Variants in CSMD1 observed in about 807,000 individuals in gnomAD.
The protein encoded by CSMD1 is CUB and Sushi multiple domains 1, also known as CUB and sushi domain-containing protein 1.
Under a neutral mutation model 417.5 loss-of-function variants are expected in CSMD1, and 213 were observed. The observed-to-expected ratio is 0.51, with a 90% confidence interval of 0.46 to 0.57. The LOEUF (loss-of-function observed/expected upper bound fraction) is 0.57. Among genes scored for constraint, CSMD1 ranks in the 20% least tolerant of loss-of-function variants. The pLI, the probability that CSMD1 is intolerant of heterozygous loss-of-function variation, is 0.00. For synonymous variants in CSMD1, 2,862 were observed against 1,736.8 expected, an observed-to-expected ratio of 1.65 and a Z score of -16.11; for missense variants, 6,923 against 4,529.7, an observed-to-expected ratio of 1.53 and a Z score of -15.17.
chr8:3,999,988 A>T (rs1188034986), intron 4 of CSMD1, among the ~76,000 whole-genome samples: 1 of 152,266 alleles, frequency 6.6e-6, no homozygotes, highest in African/African-American at 2.4e-5. Context: ...CTACCACGGT[A>T]GTGTTTCCTT....
intron 3 of CSMD1, among the ~76,000 whole-genome samples, chr8:4,381,869 C>A (rs543907110): frequency 1.3e-5 from 2 of 152,108 alleles, no homozygotes; most frequent in African/African-American, 4.8e-5. Context: ...GCTCTCTTTG[C>A]GGACCTTTTT....
intron 3 of CSMD1, among the ~76,000 whole-genome samples, chr8:4,365,343 A>G (rs1802001593): frequency 6.6e-6 from 1 of 152,254 alleles, no homozygotes; most frequent in East Asian, 1.9e-4. Context: ...AAATGCTAAG[A>G]TTATCAAAAT....
At chr8:4,446,133 C>T (rs780363902) in intron 2 of CSMD1, among the ~76,000 whole-genome samples, 5 of 152,170 alleles carry the variant, frequency 3.3e-5, no homozygotes, top group Non-Finnish European at 5.9e-5. Flanking sequence ...ACATTCGTTA[C>T]ATACGTGAGT....
intron 3 of CSMD1, among the ~76,000 whole-genome samples, chr8:4,412,775 A>G (rs1012088604): frequency 6.6e-6 from 1 of 152,192 alleles, no homozygotes; most frequent in Admixed American, 6.5e-5. Context: ...TGATACCTAT[A>G]CTGATATGAC....
chr8:3,090,821 G>C (rs561488921), intron 48 of CSMD1, among the ~76,000 whole-genome samples: 1 of 152,030 alleles, frequency 6.6e-6, no homozygotes, highest in Non-Finnish European at 1.5e-5. Flanking sequence ...TCTGCCTACT[G>C]CTTCTGTAGG....
At chr8:3,570,645 C>A (rs1178724558) in intron 10 of CSMD1, among the ~76,000 whole-genome samples, 2 of 152,152 alleles carry the variant, frequency 1.3e-5, no homozygotes, top group Admixed American at 1.3e-4. Flanking sequence ...CCTGACTCTG[C>A]CCCTTTGTTA....
intron 12 of CSMD1, among the ~76,000 whole-genome samples, chr8:3,467,105 G>A (rs570175739): frequency 1.3e-5 from 2 of 152,138 alleles, no homozygotes; most frequent in South Asian, 4.2e-4. Flanking sequence ...CACTAATTAG[G>A]GTAAAATGTA....
intron 6 of CSMD1, among the ~76,000 whole-genome samples, chr8:3,711,647 G>C (rs1234544790): frequency 6.6e-6 from 1 of 152,072 alleles, no homozygotes; most frequent in Non-Finnish European, 1.5e-5. Context: ...CACGAGATGG[G>C]GTATCTGCTT....
At chr8:3,237,154 G>A (rs547770880) in intron 26 of CSMD1, among the ~76,000 whole-genome samples, 12 of 151,806 alleles carry the variant, frequency 7.9e-5, no homozygotes, top group African/African-American at 1.9e-4. Context: ...AACTAGATAA[G>A]AGAGATATAT....
At chr8:4,823,071 A>G (rs1004672588) in intron 1 of CSMD1, among the ~76,000 whole-genome samples, 1 of 152,074 alleles carries the variant, frequency 6.6e-6, no homozygotes, top group African/African-American at 2.4e-5. Flanking sequence ...TCTGTCCACT[A>G]AATTTATTTT....
At chr8:4,699,815 G>C (rs1681905925) in intron 1 of CSMD1, among the ~76,000 whole-genome samples, 1 of 152,194 alleles carries the variant, frequency 6.6e-6, no homozygotes, top group South Asian at 2.1e-4. Context: ...GAATGAACAG[G>C]TCTTGCCGAT....
chr8:3,482,434 C>T (rs1162631202), intron 11 of CSMD1, among the ~76,000 whole-genome samples: 1 of 151,990 alleles, frequency 6.6e-6, no homozygotes, highest in Non-Finnish European at 1.5e-5. Context: ...AGAGGGACAC[C>T]ACAAAATAAT....
At chr8:3,383,756 A>G (rs1810789875) in intron 18 of CSMD1, among the ~76,000 whole-genome samples, 1 of 152,166 alleles carries the variant, frequency 6.6e-6, no homozygotes, top group Non-Finnish European at 1.5e-5. Flanking sequence ...GAAGCAAAGA[A>G]AGAGATGCTT....
intron 18 of CSMD1, chr8:3,375,269 T>C (rs572473444): frequency 1.9e-4 from 29 of 152,204 alleles, no homozygotes; most frequent in Non-Finnish European, 2.4e-4. Context: ...CACTATTGCT[T>C]TCTTCAACTG....
At chr8:3,790,478 AATG>A (rs1365310274) in intron 5 of CSMD1, among the ~76,000 whole-genome samples, 1 of 152,160 alleles carries the variant, frequency 6.6e-6, no homozygotes, top group Non-Finnish European at 1.5e-5. Flanking sequence ...TGGTGATGCT[AATG>A]ATGATGGTGA....
In CSMD1 at chr8:4,065,153, C is replaced by T. The variant is rs117143439; in HGVS notation, c.416-33054G>A. Among the ~76,000 whole-genome samples the T allele has an allele frequency of 8.0e-3, 1,216 of 152,250 alleles. 7 individuals are homozygous for T. The highest frequency in any genetic ancestry group is 0.023 in the South Asian group (113 of 4,828). On this transcript the variant is annotated intron_variant, in intron 3 of 69. Coordinates refer to ENST00000635120, the MANE Select transcript of CSMD1 (RefSeq NM_033225.6). ...AGAGTTTTTTAAAAATTACATTTTA[C>T]TGACACTATTTACACAAAACACTTC...
intron 1 of CSMD1, among the ~76,000 whole-genome samples, chr8:4,978,499 C>A (rs1247885644): frequency 3.3e-5 from 5 of 152,106 alleles, no homozygotes; most frequent in African/African-American, 1.2e-4. Context: ...CTAACCGCTC[C>A]TCACCTTGAA....
chr8:3,754,696 C>T (rs1477102920), intron 5 of CSMD1, among the ~76,000 whole-genome samples: 1 of 152,234 alleles, frequency 6.6e-6, no homozygotes, highest in East Asian at 1.9e-4. Context: ...CTCAGGTGAT[C>T]TGCCTGCCTT....
intron 26 of CSMD1, among the ~76,000 whole-genome samples, chr8:3,263,134 T>C (rs1345782706): frequency 6.6e-6 from 1 of 152,202 alleles, no homozygotes; most frequent in Non-Finnish European, 1.5e-5. Flanking sequence ...AGTTTCACTT[T>C]GTTGTCCAGG....
Sources: allele counts gnomAD v4.1 joint callset (sites outside exome capture counted in the v4.1 genomes callset), GRCh38; gene constraint gnomAD v4.1.1; transcripts MANE v1.5; gene names NCBI Gene and HGNC (gene_info 2026-07-23, HGNC 2026-07-21).